NCALD: variants seen among roughly 807,000 people sequenced by gnomAD.
NCALD encodes the protein neurocalcin-delta.
NCALD carries 10 observed loss-of-function variants against 18.6 expected under a neutral mutation model. That is an observed-to-expected ratio of 0.54 (90% CI 0.33 to 0.91). The LOEUF (loss-of-function observed/expected upper bound fraction) is 0.91. Among genes scored for constraint, NCALD ranks in the 40% least tolerant of loss-of-function variants. NCALD has a pLI of 0.03. For synonymous variants in NCALD, 88 were observed against 87.4 expected (o/e 1.01, Z -0.04); for missense variants, 184 against 247.6 (o/e 0.74, Z 1.72).
At chr8:101,722,523 G>T (rs1816407864) in intron 1 of NCALD, among the ~76,000 whole-genome samples, 1 of 152,098 alleles carries the variant, frequency 6.6e-6, no homozygotes, top group Non-Finnish European at 1.5e-5. Flanking sequence ...TTTACAGTTT[G>T]TGCAAATTGC....
At chr8:101,908,815 G>A (rs2131595235) in intron 3 of NCALD, among the ~76,000 whole-genome samples, 1 of 152,230 alleles carries the variant, frequency 6.6e-6, no homozygotes, top group African/African-American at 2.4e-5. Context: ...AATGTGCATG[G>A]GTTTATTAAA....
At chr8:101,962,946 A>T (rs1023002361) in intron 2 of NCALD, among the ~76,000 whole-genome samples, 3 of 152,162 alleles carry the variant, frequency 2.0e-5, no homozygotes, top group Admixed American at 2.0e-4. Context: ...AAACAAAAAG[A>T]TGTATTGCCA....
chr8:101,831,590 T>C (rs970365093), intron 4 of NCALD, among the ~76,000 whole-genome samples: 1 of 152,198 alleles, frequency 6.6e-6, no homozygotes, highest in African/African-American at 2.4e-5. Flanking sequence ...ACAGACTTGC[T>C]TTCCCCTAAA....
intron 2 of NCALD, among the ~76,000 whole-genome samples, chr8:101,696,863 G>A (rs570565353): frequency 6.6e-5 from 10 of 152,086 alleles, no homozygotes; most frequent in South Asian, 6.3e-4. Context: ...ATCTCAAATC[G>A]CCACTCTAAC....
chr8:102,009,052 A>G (rs1254816173), intron 2 of NCALD, among the ~76,000 whole-genome samples: 1 of 152,200 alleles, frequency 6.6e-6, no homozygotes, highest in Admixed American at 6.5e-5. Flanking sequence ...GGAGAAGGGT[A>G]ATTTTTAAAA....
intron 3 of NCALD, among the ~76,000 whole-genome samples, chr8:101,893,499 A>C (rs1817005396): frequency 7.1e-6 from 1 of 140,926 alleles, no homozygotes; most frequent in East Asian, 2.0e-4. Context: ...ACAGGATCAA[A>C]TTCACACATA....
chr8:101,769,670 C>T (rs1448492443), intron 1 of NCALD, among the ~76,000 whole-genome samples: 1 of 151,586 alleles, frequency 6.6e-6, no homozygotes, highest in Non-Finnish European at 1.5e-5. Context: ...ATTTCCAACA[C>T]TTACCTGCAA....
At chr8:101,846,878 C>T (rs1814888068) in intron 4 of NCALD, among the ~76,000 whole-genome samples, 1 of 152,188 alleles carries the variant, frequency 6.6e-6, no homozygotes, top group Admixed American at 6.5e-5. Context: ...GTACTCAACA[C>T]AGGCGATCAT....
intron 4 of NCALD, among the ~76,000 whole-genome samples, chr8:101,850,457 AAAG>A (rs1815047472): frequency 6.6e-6 from 1 of 152,200 alleles, no homozygotes; most frequent in African/African-American, 2.4e-5. Context: ...CACTTATTTT[AAAG>A]AAGAACTTGT....
chr8:101,824,305 G>T (rs764240199), intron 4 of NCALD, among the ~76,000 whole-genome samples: 1 of 151,996 alleles, frequency 6.6e-6, no homozygotes, highest in African/African-American at 2.4e-5. Context: ...GGGGCCCAAC[G>T]CTGTGTCCAT....
rs35878067 is a variant in NCALD at position 102,062,225 on chromosome 8, T to A, written c.-209-41936A>T. On this transcript the variant is annotated intron_variant, in intron 1 of 6. Coordinates refer to the NCALD transcript ENST00000311028. ...GGCTGAGAGGAGAAGATCCCTTGAG[T>A]CCAGGAGTTCAAGGTTACAGTGAGC... 7.5e-3 allele frequency among the ~76,000 whole-genome samples: 1,144 copies of A among 152,228 alleles called. 7 individuals carry two copies. Among genetic ancestry groups the A allele is most frequent in the Middle Eastern group, 0.014 (4 of 294 alleles).
At chr8:101,872,439 C>T (rs1816058506) in intron 4 of NCALD, 1 of 1,076,438 alleles carries the variant, frequency 9.3e-7, no homozygotes, top group East Asian at 2.4e-5. Flanking sequence ...GAAGGATGTG[C>T]TGCTCCTCTT....
At chr8:101,986,899 G>GA (rs36039711) in intron 2 of NCALD, among the ~76,000 whole-genome samples, 69,258 of 151,974 alleles carry the variant, frequency 0.46, 16,076 homozygotes, top group Middle Eastern at 0.54. Context: ...GGGTTGATAA[G>GA]AATGTGAGGG....
At chr8:101,692,961 T>A in intron 2 of NCALD, 65 bp from the exon 3 acceptor site, 3 of 1,185,392 alleles carry the variant, frequency 2.5e-6, no homozygotes, top group Non-Finnish European at 2.5e-6. Flanking sequence ...GACCTATCAT[T>A]AAACCTCCCA....
At chr8:101,979,066 C>T (rs1239592372) in intron 2 of NCALD, among the ~76,000 whole-genome samples, 1 of 152,154 alleles carries the variant, frequency 6.6e-6, no homozygotes. Flanking sequence ...CACATACAAA[C>T]AGGCAAGAAA....
chr8:101,899,630 A>G (rs891273242), intron 3 of NCALD, among the ~76,000 whole-genome samples: 4 of 151,904 alleles, frequency 2.6e-5, no homozygotes, highest in African/African-American at 4.8e-5. Context: ...CTGTACATCA[A>G]TTAGTATGAT....
chr8:101,822,491 C>A (rs1225041150), intron 4 of NCALD, among the ~76,000 whole-genome samples: 2 of 152,098 alleles, frequency 1.3e-5, no homozygotes, highest in Non-Finnish European at 2.9e-5. Context: ...AACTGGCTTC[C>A]AATTAGATCC....
intron 1 of NCALD, among the ~76,000 whole-genome samples, chr8:102,030,908 A>G (rs923332701): frequency 2.0e-5 from 3 of 151,796 alleles, no homozygotes; most frequent in African/African-American, 7.3e-5. Flanking sequence ...TAAATAAAAT[A>G]TAAAGTAGAT....
At chr8:101,768,828 T>C (rs1273877012) in intron 1 of NCALD, among the ~76,000 whole-genome samples, 5 of 152,134 alleles carry the variant, frequency 3.3e-5, no homozygotes, top group Non-Finnish European at 7.3e-5. Context: ...GGCAGAATAA[T>C]GGTCTTCCAA....
Sources: allele counts gnomAD v4.1 joint callset (sites outside exome capture counted in the v4.1 genomes callset), GRCh38; gene constraint gnomAD v4.1.1; transcripts MANE v1.5; gene names NCBI Gene and HGNC (gene_info 2026-07-23, HGNC 2026-07-21).